PMS1: variants seen among roughly 807,000 people sequenced by gnomAD.
PMS1 encodes PMS1 protein homolog 1.
In PMS1, 79 loss-of-function variants were observed where a neutral mutation model predicts 93.1. The observed-to-expected ratio is 0.85, with a 90% confidence interval of 0.71 to 1.02. PMS1 has a LOEUF of 1.02. PMS1 is among the 50% of genes least tolerant of loss of function. The probability of loss-of-function intolerance (pLI) is 0.00; values close to 1 mark genes in which losing one functional copy is unlikely to be tolerated. For missense variants in PMS1, 1,064 were observed against 1,085.3 expected (o/e 0.98, Z 0.28); for synonymous variants, 335 against 363.4 (o/e 0.92, Z 0.89).
intron 5 of PMS1, among the ~76,000 whole-genome samples, chr2:189,832,183 T>C (rs374933739): frequency 4.6e-5 from 7 of 152,312 alleles, no homozygotes; most frequent in East Asian, 1.9e-4. Context: ...GTGTTTGGTC[T>C]TAATTTGAAG....
At chr2:189,827,866 T>C (rs578088714) in intron 5 of PMS1, among the ~76,000 whole-genome samples, 1 of 152,126 alleles carries the variant, frequency 6.6e-6, no homozygotes, top group South Asian at 2.1e-4. Flanking sequence ...GGAGGAAAAC[T>C]GGAGGGGTTG....
intron 11 of PMS1, 32 bp downstream of exon 11, chr2:189,867,961 T>C (rs375601389): frequency 6.4e-7 from 1 of 1,558,822 alleles, no homozygotes; most frequent in Non-Finnish European, 8.9e-7. Flanking sequence ...TTTTCTGATG[T>C]GGAAAAATTA....
At chr2:189,824,940 G>A (rs1471934943) in intron 5 of PMS1, among the ~76,000 whole-genome samples, 3 of 151,960 alleles carry the variant, frequency 2.0e-5, no homozygotes, top group African/African-American at 7.2e-5. Context: ...TTTTAAGCAT[G>A]CCTACTTTCA....
chr2:189,791,641 G>T, intron 1 of PMS1, 149 bp from the exon 2 acceptor site: 1 of 584,508 alleles, frequency 1.7e-6, no homozygotes, highest in Non-Finnish European at 3.0e-6. Context: ...AGAAATAGAA[G>T]ACTTAATATT....
intron 12 of PMS1, among the ~76,000 whole-genome samples, chr2:189,874,487 T>C (rs546290985): frequency 6.6e-5 from 10 of 152,260 alleles, no homozygotes; most frequent in Non-Finnish European, 1.2e-4. Context: ...TTAAGGAAGG[T>C]TATAAACTTT....
chr2:189,855,999 T>C (rs1421504284), intron 9 of PMS1: 1 of 262,886 alleles, frequency 3.8e-6, no homozygotes, highest in African/African-American at 2.3e-5. Flanking sequence ...TATTTGGTGA[T>C]AAACTACCTA....
intron 6 of PMS1, among the ~76,000 whole-genome samples, chr2:189,849,076 T>A (rs529750486): frequency 6.6e-6 from 1 of 152,180 alleles, no homozygotes; most frequent in East Asian, 1.9e-4. Context: ...TCTTTATATA[T>A]CTCTTCCCAT....
chr2:189,877,224 A>C (rs1234324797), intron 12 of PMS1, 48 bp from the exon 13 acceptor site: 1 of 1,492,968 alleles, frequency 6.7e-7, no homozygotes, highest in Non-Finnish European at 9.3e-7. Context: ...ACATGTTTTC[A>C]GCTTCAGGGT....
intron 5 of PMS1, among the ~76,000 whole-genome samples, chr2:189,832,393 A>T (rs2053025963): frequency 6.6e-6 from 1 of 152,190 alleles, no homozygotes; most frequent in Admixed American, 6.5e-5. Flanking sequence ...TGTAAAGTCA[A>T]ATATGTTAGA....
chr2:189,813,881 T>C (rs1397085168), intron 4 of PMS1, among the ~76,000 whole-genome samples: 1 of 152,220 alleles, frequency 6.6e-6, no homozygotes, highest in Non-Finnish European at 1.5e-5. Context: ...AAAAGTATGG[T>C]GCTGCTTACA....
intron 4 of PMS1, among the ~76,000 whole-genome samples, chr2:189,813,801 C>T (rs2051043889): frequency 6.6e-6 from 1 of 152,160 alleles, no homozygotes; most frequent in African/African-American, 2.4e-5. Context: ...TCATGTGTTA[C>T]ACGGGACTGT....
At chr2:189,868,980 A>G (rs1016866627) in intron 11 of PMS1, among the ~76,000 whole-genome samples, 10 of 152,230 alleles carry the variant, frequency 6.6e-5, no homozygotes, top group African/African-American at 2.4e-4. Context: ...ATTATTATGT[A>G]CAGGGCACTA....
chr2:189,852,435 A>C (rs2054839791), intron 6 of PMS1, among the ~76,000 whole-genome samples: 1 of 152,220 alleles, frequency 6.6e-6, no homozygotes, highest in Non-Finnish European at 1.5e-5. Context: ...ATTTTTCCTT[A>C]GAGTTGCCAA....
Position 189,853,923 on chromosome 2 carries a change from T to C in PMS1, c.823-16T>C, listed in dbSNP as rs2055051450. ...TACATATTATTTTTTCTTTTATTTA[T>C]TACATGTATTTCTAGTTAATCCGAC... On this transcript the variant is annotated splice_polypyrimidine_tract_variant and intron_variant, in intron 7 of 12. Transcript: ENST00000441310. 1 of 1,461,434 alleles carries C rather than the reference T, an allele frequency of 6.8e-7. No homozygotes were observed. Among genetic ancestry groups the C allele is most frequent in the South Asian group, 1.2e-5 (1 of 82,154 alleles). The allele number at this position is 1,461,434 out of a possible 1,614,324, so 90.5% of individuals were successfully genotyped here. A position where few individuals can be genotyped will look rare whatever the true frequency, so the allele number is the denominator to read the frequency against.
chr2:189,858,259 C>G (rs2055560733), intron 9 of PMS1, among the ~76,000 whole-genome samples: 1 of 152,060 alleles, frequency 6.6e-6, no homozygotes, highest in Non-Finnish European at 1.5e-5. Flanking sequence ...TGCCCTACCA[C>G]TGGGGTCTCA....
chr2:189,834,029 T>G (rs2053178198), intron 5 of PMS1, among the ~76,000 whole-genome samples: 1 of 152,210 alleles, frequency 6.6e-6, no homozygotes, highest in South Asian at 2.1e-4. Context: ...CTTCAATTTC[T>G]TTGTCTCTTT....
chr2:189,791,395 G>A (rs541805713), intron 1 of PMS1, among the ~76,000 whole-genome samples: 5 of 152,200 alleles, frequency 3.3e-5, no homozygotes, highest in African/African-American at 9.6e-5. Flanking sequence ...CAAGGCAGGC[G>A]GATCAGTTGG....
At chr2:189,795,665 A>G in intron 2 of PMS1, 104 bp from the exon 3 acceptor site, 3 of 931,810 alleles carry the variant, frequency 3.2e-6, no homozygotes, top group Non-Finnish European at 5.1e-6. Context: ...CTATGCTTCC[A>G]TAAAAGTAAA....
chr2:189,866,825 C>T (rs998817053), intron 10 of PMS1, among the ~76,000 whole-genome samples: 1 of 152,138 alleles, frequency 6.6e-6, no homozygotes, highest in African/African-American at 2.4e-5. Flanking sequence ...TCCAAGATTA[C>T]AATCTAGACA....
Sources: gnomAD v4.1 joint callset for allele counts (sites outside exome capture counted in the v4.1 genomes callset) on GRCh38, gnomAD v4.1.1 for gene constraint, MANE v1.5 for transcripts, NCBI Gene and HGNC (gene_info 2026-07-23, HGNC 2026-07-21) for gene names.